The following PLEKHA8 variants were observed in gnomAD, a reference collection of about 807,000 sequenced individuals.
PLEKHA8 encodes the protein pleckstrin homology domain containing A8, also known as pleckstrin homology domain-containing family A member 8.
Under a neutral mutation model 68.2 loss-of-function variants are expected in PLEKHA8, and 36 were observed. The observed-to-expected ratio is 0.53, with a 90% CI of 0.40 to 0.70. The LOEUF is 0.70. PLEKHA8 is among the 30% of genes least tolerant of loss of function. The pLI, the probability that PLEKHA8 is intolerant of heterozygous loss-of-function variation, is 0.00. For missense variants in PLEKHA8, 505 were observed against 615.4 expected, an observed-to-expected ratio of 0.82 and a Z score of 1.90; for synonymous variants, 211 against 216.1, an observed-to-expected ratio of 0.98 and a Z score of 0.20.
intron 10 of PLEKHA8, among the ~76,000 whole-genome samples, chr7:30,061,190 A>T (rs1294173547): frequency 6.6e-6 from 1 of 152,226 alleles, no homozygotes; most frequent in Non-Finnish European, 1.5e-5. Flanking sequence ...CTGCCTTTTC[A>T]TGTGCACCGT....
chr7:30,061,347 T>G (rs1562522794), intron 10 of PLEKHA8, among the ~76,000 whole-genome samples: 1 of 152,170 alleles, frequency 6.6e-6, no homozygotes, highest in Non-Finnish European at 1.5e-5. Flanking sequence ...CCATTTCCAG[T>G]GGTAGTTGTG....
intron 13 of PLEKHA8, 67 bp from the exon 14 acceptor site, chr7:30,078,523 A>G (rs1794751905): frequency 1.3e-6 from 2 of 1,527,732 alleles, no homozygotes; most frequent in Non-Finnish European, 1.8e-6. Context: ...GTGCATGTGC[A>G]CATGCATAAA....
At chr7:30,037,822 G>T (rs1254138084) in intron 1 of PLEKHA8, among the ~76,000 whole-genome samples, 1 of 151,604 alleles carries the variant, frequency 6.6e-6, no homozygotes, top group African/African-American at 2.4e-5. Flanking sequence ...TTAAGTTCAG[G>T]GGTACATGTG....
rs1583431863 is a variant in PLEKHA8 at position 30,072,874 on chromosome 7, A to G, written c.1301-1197A>G. On this transcript the variant is annotated intron_variant, in intron 12 of 13. Coordinates refer to ENST00000449726, the MANE Select transcript of PLEKHA8 (RefSeq NM_001197026.2). Reference sequence around the variant, plus strand: ...ATTTAGAAATGAGTGCTCTGTTGCTACTGGAGATGATGCTTAGGAAATAAA... The same window carrying G: ...ATTTAGAAATGAGTGCTCTGTTGCTGCTGGAGATGATGCTTAGGAAATAAA... Among the ~76,000 whole-genome samples the G allele has an allele frequency of 7.2e-5, 11 of 152,330 alleles. No homozygotes were observed. The South Asian group carries it at 2.3e-3, about 32-fold the overall frequency.
intron 13 of PLEKHA8, among the ~76,000 whole-genome samples, chr7:30,100,065 C>T (rs1197450505): frequency 2.0e-5 from 3 of 152,146 alleles, no homozygotes; most frequent in Non-Finnish European, 4.4e-5. Context: ...AGCAGCATCA[C>T]TCCAATCTCT....
chr7:30,036,025 A>G (rs1791043437), intron 1 of PLEKHA8, among the ~76,000 whole-genome samples: 1 of 151,720 alleles, frequency 6.6e-6, no homozygotes, highest in Non-Finnish European at 1.5e-5. Flanking sequence ...GGAGGCCGAC[A>G]TGGGCAGATC....
At position 30,079,747 on chromosome 7, in the gene PLEKHA8, CT is replaced by C. The variant is rs1794828643; in HGVS notation, c.*961del. ...GCAGATTCCCAGGCCTTATTTTGGC[CT>C]AAAGAACCAGAGTCTAGGTGGTGGG... On this transcript the variant is annotated 3_prime_UTR_variant, in exon 14 of 14. Coordinates refer to ENST00000449726, the MANE Select transcript of PLEKHA8 (RefSeq NM_001197026.2). The C allele has an allele frequency of 1.5e-6, 1 of 656,742 alleles. No individual in the cohort carries two copies. Among genetic ancestry groups the C allele is most frequent in the Non-Finnish European group, 1.9e-6 (1 of 530,408 alleles). The allele number at this position is 656,742 out of a possible 1,614,324, so 40.7% of individuals were successfully genotyped here. A position where few individuals can be genotyped will look rare whatever the true frequency, so the allele number is the denominator to read the frequency against.
Position 30,028,732 on chromosome 7 carries a change from GGCGGGCGTGGGCCGAGTGGCC to G in PLEKHA8, c.-23_-3del. 8.0e-7 allele frequency: 1 copy of G among 1,249,296 alleles called. No individual in the cohort carries two copies. Among genetic ancestry groups the G allele is most frequent in the Non-Finnish European group, 1.0e-6 (1 of 989,106 alleles). The allele number at this position is 1,249,296 out of a possible 1,614,324, so 77.4% of individuals were successfully genotyped here. ...TGGGGCCTGGGGCAGTGAGGGGGCC[GGCGGGCGTGGGCCGAGTGGCC>G]GCGGGCGCCATGGAGGGGGTGCTGT... On this transcript the variant is annotated 5_prime_UTR_variant, in exon 1 of 14. Coordinates refer to ENST00000449726, the MANE Select transcript of PLEKHA8 (RefSeq NM_001197026.2).
chr7:30,097,624 A>T (rs892365012), intron 13 of PLEKHA8, among the ~76,000 whole-genome samples: 2 of 152,082 alleles, frequency 1.3e-5, no homozygotes, highest in African/African-American at 4.8e-5. Context: ...CACGTTGGCT[A>T]CTGAGGCTTG....
At chr7:30,114,197 A>G (rs1796356798) in intron 13 of PLEKHA8, among the ~76,000 whole-genome samples, 1 of 152,036 alleles carries the variant, frequency 6.6e-6, no homozygotes, top group African/African-American at 2.4e-5. Flanking sequence ...CACCTGCCCT[A>G]CTTTTCTTTT....
intron 13 of PLEKHA8, among the ~76,000 whole-genome samples, chr7:30,117,539 C>G (rs898878953): frequency 1.3e-5 from 2 of 151,820 alleles, no homozygotes; most frequent in Non-Finnish European, 2.9e-5. Flanking sequence ...ACCTTATCTC[C>G]ACTAAAATAA....
chr7:30,056,004 G>A (rs981943735), intron 9 of PLEKHA8, among the ~76,000 whole-genome samples: 3 of 148,686 alleles, frequency 2.0e-5, no homozygotes, highest in African/African-American at 7.4e-5. Context: ...GTGCAGTGGC[G>A]GGATCTCCAC....
intron 13 of PLEKHA8, among the ~76,000 whole-genome samples, chr7:30,106,433 T>A (rs2128014570): frequency 6.6e-6 from 1 of 152,330 alleles, no homozygotes; most frequent in South Asian, 2.1e-4. Context: ...ATCTTTTTCC[T>A]TATGAATAGC....
intron 1 of PLEKHA8, among the ~76,000 whole-genome samples, chr7:30,036,407 A>AATAGATAGATAGATAG (rs55904639): frequency 4.2e-5 from 6 of 143,424 alleles, no homozygotes; most frequent in East Asian, 2.1e-4. Flanking sequence ...GATAGGATAG[A>AATAGATAGATAGATAG]ATAGATAGAT....
At chr7:30,053,581 T>TACCCA (rs1792591419) in intron 7 of PLEKHA8, among the ~76,000 whole-genome samples, 1 of 152,228 alleles carries the variant, frequency 6.6e-6, no homozygotes, top group African/African-American at 2.4e-5. Context: ...CACACATCAT[T>TACCCA]GGAGCCTTAT....
chr7:30,078,451 G>A, intron 13 of PLEKHA8, 139 bp from the exon 14 acceptor site: 1 of 853,860 alleles, frequency 1.2e-6, no homozygotes. Flanking sequence ...AAATTAGAAG[G>A]GTAGTCATAT....
chr7:30,103,603 A>G (rs1425971781), intron 13 of PLEKHA8, among the ~76,000 whole-genome samples: 1 of 152,252 alleles, frequency 6.6e-6, no homozygotes, highest in Non-Finnish European at 1.5e-5. Flanking sequence ...AAAGTTCAGA[A>G]ATCAGGCCCC....
chr7:30,121,997 C>T (rs1260588589), intron 13 of PLEKHA8, among the ~76,000 whole-genome samples: 1 of 152,136 alleles, frequency 6.6e-6, no homozygotes, highest in Non-Finnish European at 1.5e-5. Context: ...GCCTTAGAGA[C>T]CTATAAAGGA....
chr7:30,042,192 A>C (rs761257835), intron 1 of PLEKHA8, among the ~76,000 whole-genome samples: 1 of 152,148 alleles, frequency 6.6e-6, no homozygotes, highest in Non-Finnish European at 1.5e-5. Flanking sequence ...GCCTGCTAGC[A>C]TGGAACTTAA....
Sources: gnomAD v4.1 joint callset for allele counts (sites outside exome capture counted in the v4.1 genomes callset) on GRCh38, gnomAD v4.1.1 for gene constraint, MANE v1.5 for transcripts, NCBI Gene and HGNC (gene_info 2026-07-23, HGNC 2026-07-21) for gene names.